Variants in CCSER2 observed in about 807,000 individuals in gnomAD.
CCSER2 encodes the protein serine-rich coiled-coil domain-containing protein 2.
In CCSER2, 46 loss-of-function variants were observed where a neutral mutation model predicts 92.3. The observed-to-expected ratio is 0.50, with a 90% confidence interval of 0.39 to 0.64. CCSER2 has a LOEUF of 0.64. Among genes scored for constraint, CCSER2 ranks in the 30% least tolerant of loss-of-function variants. The probability of loss-of-function intolerance (pLI) is 0.00; values close to 1 mark genes in which losing one functional copy is unlikely to be tolerated. For missense variants in CCSER2, 1,244 were observed against 1,238.9 expected (o/e 1.00, Z -0.06); for synonymous variants, 433 against 431.4 (o/e 1.00, Z -0.04).
At chr10:84,504,343 A>G (rs549400845) in intron 9 of CCSER2, among the ~76,000 whole-genome samples, 3 of 150,622 alleles carry the variant, frequency 2.0e-5, no homozygotes, top group African/African-American at 7.3e-5. Flanking sequence ...GGTGCCTCCT[A>G]AGAATTGTCT....
intron 6 of CCSER2, among the ~76,000 whole-genome samples, chr10:84,443,260 C>T (rs570660951): frequency 5.3e-4 from 80 of 151,918 alleles, no homozygotes; most frequent in Admixed American, 1.4e-3. Context: ...TGACAAAGGT[C>T]TAATATCCAG....
At chr10:84,337,696 A>G (rs1843916404) in intron 1 of CCSER2, among the ~76,000 whole-genome samples, 2 of 152,242 alleles carry the variant, frequency 1.3e-5, no homozygotes, top group Non-Finnish European at 2.9e-5. Flanking sequence ...ACCAAAAAGT[A>G]TCTGAGACAG....
chr10:84,354,068 AC>A (rs1209251715), intron 1 of CCSER2, among the ~76,000 whole-genome samples: 1 of 151,630 alleles, frequency 6.6e-6, no homozygotes, highest in African/African-American at 2.4e-5. Context: ...GTGTGGTTGC[AC>A]ACACCTGTAG....
chr10:84,503,851 G>A (rs1421204410), intron 9 of CCSER2, among the ~76,000 whole-genome samples: 1 of 152,182 alleles, frequency 6.6e-6, no homozygotes, highest in East Asian at 1.9e-4. Flanking sequence ...GTTTCTTGAT[G>A]TAGTGTTGTG....
intron 1 of CCSER2, among the ~76,000 whole-genome samples, chr10:84,361,475 T>C (rs1463264372): frequency 1.3e-5 from 2 of 152,172 alleles, no homozygotes; most frequent in Non-Finnish European, 2.9e-5. Flanking sequence ...ACATCGAAAA[T>C]GGAAATCTGA....
intron 5 of CCSER2, among the ~76,000 whole-genome samples, chr10:84,432,005 C>T (rs1843798411): frequency 6.6e-6 from 1 of 152,136 alleles, no homozygotes; most frequent in Admixed American, 6.6e-5. Context: ...TTGCTTTACC[C>T]TTTTGCGTTT....
intron 6 of CCSER2, among the ~76,000 whole-genome samples, chr10:84,443,556 A>G (rs898544883): frequency 1.3e-5 from 2 of 152,340 alleles, no homozygotes; most frequent in Non-Finnish European, 1.5e-5. Flanking sequence ...AGTGTAAATT[A>G]GTTCAACCAT....
intron 9 of CCSER2, among the ~76,000 whole-genome samples, chr10:84,490,050 GA>G (rs1457142664): frequency 1.3e-5 from 2 of 152,156 alleles, no homozygotes; most frequent in Non-Finnish European, 2.9e-5. Flanking sequence ...TTTTCTTTAA[GA>G]ATGTTGAATA....
intron 6 of CCSER2, among the ~76,000 whole-genome samples, chr10:84,450,219 A>G (rs1014813537): frequency 6.6e-6 from 1 of 152,224 alleles, no homozygotes; most frequent in Non-Finnish European, 1.5e-5. Flanking sequence ...TGTACCCAGT[A>G]CATTGTTCGA....
intron 1 of CCSER2, among the ~76,000 whole-genome samples, chr10:84,349,193 T>C (rs1589414050): frequency 1.3e-5 from 2 of 152,232 alleles, no homozygotes; most frequent in East Asian, 3.8e-4. Context: ...TGACTTAAAG[T>C]TGGATTCCTG....
At chr10:84,481,591 G>A (rs1847459969) in intron 9 of CCSER2, among the ~76,000 whole-genome samples, 1 of 152,146 alleles carries the variant, frequency 6.6e-6, no homozygotes, top group African/African-American at 2.4e-5. Context: ...CCTGGTGGGT[G>A]CTCTTCATTT....
chr10:84,348,220 G>A (rs1844644160), intron 1 of CCSER2, among the ~76,000 whole-genome samples: 1 of 152,236 alleles, frequency 6.6e-6, no homozygotes, highest in Non-Finnish European at 1.5e-5. Context: ...GGAGGCCGAG[G>A]CTGGCGGATC....
intron 3 of CCSER2, among the ~76,000 whole-genome samples, chr10:84,387,362 A>G (rs1841272323): frequency 6.6e-6 from 1 of 151,918 alleles, no homozygotes; most frequent in Admixed American, 6.6e-5. Flanking sequence ...CTGTGCTGTG[A>G]TACTGACTTA....
intron 4 of CCSER2, among the ~76,000 whole-genome samples, chr10:84,422,986 C>T (rs892408775): frequency 6.6e-6 from 1 of 150,650 alleles, no homozygotes; most frequent in East Asian, 2.0e-4. Context: ...ACCTGGGAGG[C>T]GGAGGCTGCA....
At chr10:84,507,503 C>G (rs1363579777) in intron 9 of CCSER2, among the ~76,000 whole-genome samples, 2 of 151,888 alleles carry the variant, frequency 1.3e-5, no homozygotes, top group African/African-American at 4.8e-5. Context: ...TTAATAATAA[C>G]AATAAACTTG....
chr10:84,480,862 A>G (rs1419147753), intron 9 of CCSER2, among the ~76,000 whole-genome samples: 1 of 152,226 alleles, frequency 6.6e-6, no homozygotes. Flanking sequence ...CTACGTAGGT[A>G]GTGGTGATGG....
intron 3 of CCSER2, among the ~76,000 whole-genome samples, chr10:84,401,284 G>C (rs2133314279): frequency 6.6e-6 from 1 of 152,128 alleles, no homozygotes; most frequent in African/African-American, 2.4e-5. Flanking sequence ...TCTTTGAAAA[G>C]ATCAATAAAA....
chr10:84,498,884 T>G (rs1848582032), intron 9 of CCSER2, among the ~76,000 whole-genome samples: 1 of 152,186 alleles, frequency 6.6e-6, no homozygotes, highest in Non-Finnish European at 1.5e-5. Context: ...GAAAAAAGTT[T>G]TTTCTGTAAA....
In CCSER2 at chr10:84,371,825, A is replaced by G. The variant is rs1564607725; in HGVS notation, c.773A>G (p.Gln258Arg). The change falls in exon 2 of 10, where the codon CAG becomes CGG. Residue 258 changes from glutamine to arginine, a missense_variant. Gln to Arg is a conservative substitution (Grantham distance 43). Transcript: ENST00000372088. ...CTTACAAAGCCTTATCAGAACCAAC[A>G]GCTATCCATTAGAGTGCCTCTACGG... Reference protein sequence around the residue: ...VDLTKPYQNQQLSIRVPLRSS... With the variant: ...VDLTKPYQNQRLSIRVPLRSS... The G allele has an allele frequency of 6.2e-7, 1 of 1,613,998 alleles. No individual in the cohort carries two copies.
Sources: allele counts gnomAD v4.1 joint callset (sites outside exome capture counted in the v4.1 genomes callset), GRCh38; gene constraint gnomAD v4.1.1; transcripts MANE v1.5; gene names NCBI Gene and HGNC (gene_info 2026-07-23, HGNC 2026-07-21).